Variants in NWD2 observed in about 807,000 individuals in gnomAD.
NWD2 encodes NACHT and WD repeat domain containing 2.
Under a neutral mutation model 132.7 loss-of-function variants are expected in NWD2, and 37 were observed. That is an observed-to-expected ratio of 0.28 (90% CI 0.21 to 0.37). NWD2 has a LOEUF of 0.37. NWD2 is among the 10% of genes least tolerant of loss of function. The probability of loss-of-function intolerance (pLI) is 1.00; values close to 1 mark genes in which losing one functional copy is unlikely to be tolerated. For synonymous variants in NWD2, 705 were observed against 803.0 expected, an observed-to-expected ratio of 0.88 and a Z score of 2.06; for missense variants, 1,592 against 2,122.4, an observed-to-expected ratio of 0.75 and a Z score of 4.91.
intron 3 of NWD2, among the ~76,000 whole-genome samples, chr4:37,405,811 G>A (rs1720992583): frequency 6.6e-6 from 1 of 152,180 alleles, no homozygotes; most frequent in Admixed American, 6.5e-5. Context: ...TGCCAGGTAG[G>A]TAGGAATATG....
intron 3 of NWD2, among the ~76,000 whole-genome samples, chr4:37,373,675 G>T (rs1720279914): frequency 6.6e-6 from 1 of 152,186 alleles, no homozygotes; most frequent in African/African-American, 2.4e-5. Flanking sequence ...ATTAGATGCT[G>T]CTTTCTGAAT....
intron 1 of NWD2, among the ~76,000 whole-genome samples, chr4:37,288,948 G>A (rs1016688284): frequency 1.4e-5 from 2 of 146,102 alleles, no homozygotes; most frequent in African/African-American, 5.2e-5. Flanking sequence ...GTTATAAATT[G>A]CCTATAACTG....
At chr4:37,266,762 T>C (rs1717760118) in intron 1 of NWD2, among the ~76,000 whole-genome samples, 1 of 152,072 alleles carries the variant, frequency 6.6e-6, no homozygotes, top group African/African-American at 2.4e-5. Context: ...TTTTTCTTGC[T>C]GACATACTGA....
intron 3 of NWD2, among the ~76,000 whole-genome samples, chr4:37,368,669 A>G (rs1308160662): frequency 6.6e-6 from 1 of 152,192 alleles, no homozygotes; most frequent in Admixed American, 6.5e-5. Flanking sequence ...AGAGCTTTCC[A>G]TCTCTAAATC....
chr4:37,253,081 CA>C (rs1717414864), intron 1 of NWD2, among the ~76,000 whole-genome samples: 1 of 151,234 alleles, frequency 6.6e-6, no homozygotes, highest in Non-Finnish European at 1.5e-5. Flanking sequence ...GAGCATAATC[CA>C]GGGGCACTGC....
intron 1 of NWD2, among the ~76,000 whole-genome samples, chr4:37,317,699 G>A (rs1254432344): frequency 6.6e-6 from 1 of 152,142 alleles, no homozygotes; most frequent in Non-Finnish European, 1.5e-5. Flanking sequence ...CTTTAAAATG[G>A]TTATTTTGAC....
intron 2 of NWD2, among the ~76,000 whole-genome samples, chr4:37,332,723 A>T (rs1294380981): frequency 6.6e-6 from 1 of 152,148 alleles, no homozygotes; most frequent in African/African-American, 2.4e-5. Flanking sequence ...GAATAAAGGG[A>T]AATTTATCTG....
At chr4:37,248,864 G>A (rs983753056) in intron 1 of NWD2, among the ~76,000 whole-genome samples, 1 of 152,104 alleles carries the variant, frequency 6.6e-6, no homozygotes, top group Non-Finnish European at 1.5e-5. Context: ...TGATCATCTG[G>A]GCCAGATGTG....
chr4:37,286,219 C>G (rs896605308), intron 1 of NWD2, among the ~76,000 whole-genome samples: 1 of 152,170 alleles, frequency 6.6e-6, no homozygotes, highest in African/African-American at 2.4e-5. Flanking sequence ...CTAGGATCAG[C>G]TTTAGAGACT....
chr4:37,287,280 G>A (rs1718253355), intron 1 of NWD2, among the ~76,000 whole-genome samples: 1 of 152,230 alleles, frequency 6.6e-6, no homozygotes, highest in Non-Finnish European at 1.5e-5. Context: ...AGCTCCCAGG[G>A]AAAGGGGCAA....
chr4:37,407,457 C>T (rs994197773), intron 3 of NWD2, among the ~76,000 whole-genome samples: 1 of 152,160 alleles, frequency 6.6e-6, no homozygotes, highest in African/African-American at 2.4e-5. Context: ...ATTTGCATTT[C>T]TGGCAAGTTC....
At chr4:37,251,143 G>T (rs2109254900) in intron 1 of NWD2, among the ~76,000 whole-genome samples, 1 of 152,292 alleles carries the variant, frequency 6.6e-6, no homozygotes, top group Non-Finnish European at 1.5e-5. Context: ...GCTGAGCATG[G>T]TGGTGGGCGC....
chr4:37,360,468 A>G (rs1719959395), intron 3 of NWD2, among the ~76,000 whole-genome samples: 1 of 152,174 alleles, frequency 6.6e-6, no homozygotes, highest in Non-Finnish European at 1.5e-5. Context: ...TGCATATGGT[A>G]CATATATATT....
intron 1 of NWD2, among the ~76,000 whole-genome samples, chr4:37,246,196 G>A (rs1188015556): frequency 1.3e-5 from 2 of 152,200 alleles, no homozygotes; most frequent in African/African-American, 2.4e-5. Flanking sequence ...GCCTTGAGTC[G>A]AAAAGAGTCG....
At chr4:37,350,670 T>C (rs150959701) in intron 2 of NWD2, among the ~76,000 whole-genome samples, 2 of 152,186 alleles carry the variant, frequency 1.3e-5, no homozygotes, top group Admixed American at 6.5e-5. Context: ...CTGAATACCC[T>C]TTATTGCCTT....
chr4:37,343,945 G>A (rs1719581244), intron 2 of NWD2, among the ~76,000 whole-genome samples: 1 of 152,120 alleles, frequency 6.6e-6, no homozygotes, highest in Non-Finnish European at 1.5e-5. Context: ...ATTATAAAAA[G>A]CATGATAAAT....
chr4:37,441,045 G>C (rs997741753), intron 6 of NWD2, among the ~76,000 whole-genome samples: 1 of 152,214 alleles, frequency 6.6e-6, no homozygotes, highest in South Asian at 2.1e-4. Flanking sequence ...TGAGGATTAG[G>C]TTCCAAAGTA....
chr4:37,413,458 A>C (rs1297028351), intron 3 of NWD2, among the ~76,000 whole-genome samples: 1 of 152,242 alleles, frequency 6.6e-6, no homozygotes, highest in Non-Finnish European at 1.5e-5. Context: ...GATCATTAAA[A>C]AGTCAGAAAA....
At chr4:37,298,331 G>A (rs932554644) in intron 1 of NWD2, among the ~76,000 whole-genome samples, 1 of 152,104 alleles carries the variant, frequency 6.6e-6, no homozygotes, top group Non-Finnish European at 1.5e-5. Flanking sequence ...TTTGATTATG[G>A]AGTGGCCTTG....
Sources: gnomAD v4.1 joint callset for allele counts (sites outside exome capture counted in the v4.1 genomes callset) on GRCh38, gnomAD v4.1.1 for gene constraint, MANE v1.5 for transcripts, NCBI Gene and HGNC (gene_info 2026-07-23, HGNC 2026-07-21) for gene names.